Variants in MYF6 observed in about 807,000 individuals in gnomAD.
MYF6 encodes class C basic helix-loop-helix protein 4.
In MYF6, 20 loss-of-function variants were observed where a neutral mutation model predicts 21.7. The observed-to-expected ratio is 0.92, with a 90% confidence interval of 0.65 to 1.34. The LOEUF is 1.34. MYF6 is among the 40% of genes most tolerant of loss of function. The pLI, the probability that MYF6 is intolerant of heterozygous loss-of-function variation, is 0.00. For synonymous variants in MYF6, 124 were observed against 124.7 expected (o/e 0.99, Z 0.04); for missense variants, 320 against 304.1 (o/e 1.05, Z -0.39).
At position 80,709,093 on chromosome 12, in the gene MYF6, A is replaced by C. The variant is rs1163311618; in HGVS notation, c.*133A>C. 1 of 740,792 alleles carries C rather than the reference A, an allele frequency of 1.3e-6. No individual in the cohort carries two copies. Among genetic ancestry groups the C allele is most frequent in the Non-Finnish European group, 2.3e-6 (1 of 430,960 alleles). The allele number at this position is 740,792 out of a possible 1,614,324, so 45.9% of individuals were successfully genotyped here. ...ACCGAAAAGTTGCTGAAAGGGAAGG[A>C]GACACATTCACAAAGAAACGTTGCG... On this transcript the variant is annotated 3_prime_UTR_variant, in exon 3 of 3. Transcript: ENST00000228641.
Position 80,707,760 on chromosome 12 carries a change from A to G in MYF6, c.41A>G (p.Tyr14Cys). Residue 14 changes from tyrosine to cysteine, a missense_variant, in exon 1 of 3, where the codon TAC becomes TGC. Coordinates refer to ENST00000228641, the MANE Select transcript of MYF6 (RefSeq NM_002469.3). ...TTTGAAACTGGCTCCTATTTCTTCT[A>G]CTTGGATGGGGAAAATGTTACTCTG... is the stretch of plus-strand genomic sequence containing the variant. ...DLFETGSYFF[Y>C]LDGENVTLQP... is the part of the protein sequence containing the mutation. The G allele has an allele frequency of 6.2e-7, 1 of 1,614,134 alleles. No homozygotes were observed. Among genetic ancestry groups the G allele is most frequent in the Non-Finnish European group, 8.5e-7 (1 of 1,180,018 alleles).
chr12:80,707,992 C>G lies in MYF6; in HGVS notation c.273C>G (p.Pro91=), dbSNP rs757403372. 6.2e-7 allele frequency: 1 copy of G among 1,614,062 alleles called. No homozygotes were observed. Among genetic ancestry groups the G allele is most frequent in the Admixed American group, 1.7e-5 (1 of 60,014 alleles). Residue 91 remains proline, a synonymous_variant, in exon 1 of 3, where the codon CCC becomes CCG. Coordinates refer to ENST00000228641, the MANE Select transcript of MYF6 (RefSeq NM_002469.3). The part of the protein sequence containing the change: ...ACKTCKRKSA[P]TDRRKAATLR... ...AGACCTGCAAGAGAAAATCTGCCCC[C>G]ACTGACCGGCGAAAAGCCGCCACCC...
chr12:80,707,859 A>G lies in MYF6; in HGVS notation c.140A>G (p.Gln47Arg), dbSNP rs755411287. 6.8e-6 allele frequency: 11 copies of G among 1,614,202 alleles called. No individual in the cohort carries two copies. The South Asian group carries it at 1.1e-4, about 16-fold the overall frequency. ...SDGTLSPCQD[Q>R]MPPEAGSDSS... ...GGTACCTTGTCCCCCTGCCAGGACCAAATGCCCCCGGAAGCGGGGAGCGAC... is the reference window on the plus strand; with the variant it reads ...GGTACCTTGTCCCCCTGCCAGGACCGAATGCCCCCGGAAGCGGGGAGCGAC... Residue 47 changes from glutamine to arginine, a missense_variant, in exon 1 of 3, where the codon CAA becomes CGA. Physicochemically the swap from Gln to Arg is conservative, Grantham distance 43. Transcript: ENST00000228641.
In MYF6 at chr12:80,707,988, C is replaced by T. The variant is rs138296448; in HGVS notation, c.269C>T (p.Ala90Val). Residue 90 changes from alanine to valine, a missense_variant, in exon 1 of 3, where the codon GCC (alanine) becomes GTC (valine). Physicochemically the swap from Ala to Val is moderately conservative, Grantham distance 64 (BLOSUM62 0). Transcript: ENST00000228641. ...WACKTCKRKS[A>V]PTDRRKAATL... ...TGCAAGACCTGCAAGAGAAAATCTG[C>T]CCCCACTGACCGGCGAAAAGCCGCC... is the stretch of plus-strand genomic sequence containing the variant. 5.6e-6 allele frequency: 9 copies of T among 1,613,986 alleles called. No individual in the cohort carries two copies. Among genetic ancestry groups the T allele is most frequent in the Non-Finnish European group, 6.8e-6 (8 of 1,180,048 alleles).
intron 1 of MYF6, 42 bp downstream of exon 1, chr12:80,708,280 A>C: frequency 6.3e-7 from 1 of 1,588,834 alleles, no homozygotes; most frequent in Non-Finnish European, 8.5e-7. Flanking sequence ...GCGAAGGCTG[A>C]TTAAACGCCT....
At position 80,708,105 on chromosome 12, in the gene MYF6, C is replaced by A; in HGVS notation, c.386C>A (p.Pro129His). 1 of 1,614,072 alleles carries A rather than the reference C, an allele frequency of 6.2e-7. No homozygotes were observed. Among genetic ancestry groups the A allele is most frequent in the Non-Finnish European group, 8.5e-7 (1 of 1,180,020 alleles). Residue 129 changes from proline to histidine, a missense_variant, in exon 1 of 3, where the codon CCC (proline) becomes CAC (histidine). Coordinates refer to ENST00000228641, the MANE Select transcript of MYF6 (RefSeq NM_002469.3). Reference sequence around the variant, plus strand: ...GTGGCCAACCCCAACCAGAGGCTGCCCAAGGTGGAGATTCTGCGGAGCGCC... The same window carrying A: ...GTGGCCAACCCCAACCAGAGGCTGCACAAGGTGGAGATTCTGCGGAGCGCC... ...RTVANPNQRLPKVEILRSAIS... is the reference protein window; with the variant it reads ...RTVANPNQRLHKVEILRSAIS...
chr12:80,708,876 C>A lies in MYF6; in HGVS notation c.645C>A (p.Ser215Arg), dbSNP rs757639492. 6.2e-7 allele frequency: 1 copy of A among 1,614,214 alleles called. No homozygotes were observed. Among genetic ancestry groups the A allele is most frequent in the South Asian group, 1.1e-5 (1 of 91,082 alleles). Residue 215 changes from serine to arginine, a missense_variant, in exon 3 of 3, where the codon AGC becomes AGA. Physicochemically the swap from Ser to Arg is moderately radical, Grantham distance 110. Transcript: ENST00000228641. ...GTATTGATTCGTCAGCCTCGAGTAG[C>A]CTTCGATGCCTTTCTTCCATCGTGG... ...GASIDSSASS[S>R]LRCLSSIVDS...
chr12:80,708,548 A>C lies in MYF6; in HGVS notation c.544A>C (p.Thr182Pro), dbSNP rs141278987. The C allele has an allele frequency of 4.8e-4, 763 of 1,576,370 alleles. 4 individuals are homozygous for C. The African/African-American group carries it at 9.5e-3, about 20-fold the overall frequency. ...ENLEGADFLRTCSSQWPSVSD... is the reference protein window; with the variant it reads ...ENLEGADFLRPCSSQWPSVSD... ...GCTTGAGGGTGCGGATTTCCTGCGC[A>C]CCTGCAGCTCCCAGTGGCCAAGTGT... The change falls in exon 2 of 3, where the codon ACC becomes CCC. Residue 182 changes from threonine to proline, a missense_variant. Coordinates refer to ENST00000228641, the MANE Select transcript of MYF6 (RefSeq NM_002469.3).
At chr12:80,708,286 C>T (rs759768881) in intron 1 of MYF6, 48 bp downstream of exon 1, 15 of 1,582,312 alleles carry the variant, frequency 9.5e-6, no homozygotes, top group Non-Finnish European at 1.3e-5. Flanking sequence ...GCTGATTAAA[C>T]GCCTTCCGCG....
rs556445291 is a variant in MYF6, at chr12:80,708,369, A to G, written c.519+131A>G. 4.2e-6 allele frequency: 6 copies of G among 1,424,666 alleles called. No individual in the cohort carries two copies. In the African/African-American group the frequency reaches 5.7e-5, roughly 13 times the overall value. 88.3% of individuals were successfully genotyped at this position (1,424,666 alleles called of 1,614,324 possible). A position where few individuals can be genotyped will look rare whatever the true frequency, so the allele number is the denominator to read the frequency against. On this transcript the variant is annotated intron_variant, in intron 1 of 2. Coordinates refer to ENST00000228641, the MANE Select transcript of MYF6 (RefSeq NM_002469.3). ...CGCCCGCCCCTCCCGCTCCGTCTCTAATGAACCCCCAGTGACCCAAGAAGA... is the reference window on the plus strand; with the variant it reads ...CGCCCGCCCCTCCCGCTCCGTCTCTGATGAACCCCCAGTGACCCAAGAAGA...
chr12:80,708,197 C>G lies in MYF6; in HGVS notation c.478C>G (p.Leu160Val), dbSNP rs368477055. The change falls in exon 1 of 3, where the codon CTG becomes GTG. Residue 160 changes from leucine to valine, a missense_variant. By Grantham distance (32) the Leu-to-Val change is conservative. Transcript: ENST00000228641. ...GGATCAGCAGGAGAAGATGCAGGAG[C>G]TGGGGGTGGACCCCTTCAGCTACAG... ...RLDQQEKMQELGVDPFSYRPK... is the reference protein window; with the variant it reads ...RLDQQEKMQEVGVDPFSYRPK... The G allele has an allele frequency of 3.7e-6, 6 of 1,613,368 alleles. No individual in the cohort carries two copies. The highest frequency in any genetic ancestry group is 4.2e-6 in the Non-Finnish European group (5 of 1,179,732).
Position 80,709,079 on chromosome 12 carries a change from G to A in MYF6, c.*119G>A. The A allele has an allele frequency of 1.2e-6, 1 of 825,790 alleles. No homozygotes were observed. The highest frequency in any genetic ancestry group is 2.0e-6 in the Non-Finnish European group (1 of 497,370). 51.2% of individuals were successfully genotyped at this position (825,790 alleles called of 1,614,324 possible). A position where few individuals can be genotyped will look rare whatever the true frequency, so the allele number is the denominator to read the frequency against. ...ATTTAGGAACCCAGACCGAAAAGTTGCTGAAAGGGAAGGAGACACATTCAC... is the reference window on the plus strand; with the variant it reads ...ATTTAGGAACCCAGACCGAAAAGTTACTGAAAGGGAAGGAGACACATTCAC... On this transcript the variant is annotated 3_prime_UTR_variant, in exon 3 of 3. Coordinates refer to ENST00000228641, the MANE Select transcript of MYF6 (RefSeq NM_002469.3).
rs770081936 is a variant in MYF6, at chr12:80,708,534, C to T, written c.530C>T (p.Ala177Val). ...TGGTTTTCCCTCCAGCTTGAGGGTG[C>T]GGATTTCCTGCGCACCTGCAGCTCC... ...YRPKQENLEG[A>V]DFLRTCSSQW... The change falls in exon 2 of 3, where the codon GCG (alanine) becomes GTG (valine). Residue 177 changes from alanine (A) to valine (V), a missense_variant. Physicochemically the swap from Ala to Val is moderately conservative, Grantham distance 64 (BLOSUM62 0). Coordinates refer to ENST00000228641, the MANE Select transcript of MYF6 (RefSeq NM_002469.3). 2 of 1,508,550 alleles carry T rather than the reference C, an allele frequency of 1.3e-6. No individual in the cohort carries two copies. The highest frequency in any genetic ancestry group is 1.4e-5 in the African/African-American group (1 of 71,222). The allele number at this position is 1,508,550 out of a possible 1,614,324, so 93.4% of individuals were successfully genotyped here. A position where few individuals can be genotyped will look rare whatever the true frequency, so the allele number is the denominator to read the frequency against.
rs550225751 is a variant in MYF6 at position 80,709,026 on chromosome 12, C to T, written c.*66C>T. ...TCCCACCGACCCTTCCTGGCCTAATCCTTTAGATTAGGTCACATTACATTA... is the reference window on the plus strand; with the variant it reads ...TCCCACCGACCCTTCCTGGCCTAATTCTTTAGATTAGGTCACATTACATTA... On this transcript the variant is annotated 3_prime_UTR_variant, in exon 3 of 3. Transcript: ENST00000228641. The T allele has an allele frequency of 2.1e-5, 26 of 1,257,992 alleles. No individual in the cohort carries two copies. The highest frequency in any genetic ancestry group is 1.6e-4 in the African/African-American group (11 of 67,936). The allele number at this position is 1,257,992 out of a possible 1,614,324, so 77.9% of individuals were successfully genotyped here.
rs959101589 is a variant in MYF6 at position 80,707,844 on chromosome 12, C to G, written c.125C>G (p.Ser42Cys). The change falls in exon 1 of 3, where the codon TCC (serine) becomes TGC (cysteine). Residue 42 changes from serine (S) to cysteine (C), a missense_variant. Coordinates refer to ENST00000228641, the MANE Select transcript of MYF6 (RefSeq NM_002469.3). ...PLYPGSDGTL[S>C]PCQDQMPPEA... ...TATCCAGGGAGTGATGGTACCTTGT[C>G]CCCCTGCCAGGACCAAATGCCCCCG... 4 of 1,614,186 alleles carry G rather than the reference C, an allele frequency of 2.5e-6. No homozygotes were observed. The highest frequency in any genetic ancestry group is 2.2e-5 in the East Asian group (1 of 44,870).
chr12:80,708,364 T>A (rs1868405696), intron 1 of MYF6, 126 bp downstream of exon 1: 1 of 1,425,174 alleles, frequency 7.0e-7, no homozygotes, highest in South Asian at 1.2e-5. Flanking sequence ...TCCCGCTCCG[T>A]CTCTAATGAA....
chr12:80,708,516 C>T lies in MYF6; in HGVS notation c.520-8C>T. The T allele has an allele frequency of 7.0e-6, 10 of 1,437,104 alleles. 1 individual carries two copies. In the South Asian group the frequency reaches 9.0e-5, roughly 13 times the overall value. The allele number at this position is 1,437,104 out of a possible 1,614,324, so 89.0% of individuals were successfully genotyped here. The stretch of plus-strand genomic sequence containing the variant: ...CCTAATCTGCCGCTGCCTTGGTTTT[C>T]CCTCCAGCTTGAGGGTGCGGATTTC... On this transcript the variant is annotated splice_region_variant and splice_polypyrimidine_tract_variant and intron_variant, in intron 1 of 2. Coordinates refer to ENST00000228641, the MANE Select transcript of MYF6 (RefSeq NM_002469.3).
In MYF6 at chr12:80,707,989, C is replaced by A; in HGVS notation, c.270C>A (p.Ala90=). ...GCAAGACCTGCAAGAGAAAATCTGCCCCCACTGACCGGCGAAAAGCCGCCA... is the reference window on the plus strand; with the variant it reads ...GCAAGACCTGCAAGAGAAAATCTGCACCCACTGACCGGCGAAAAGCCGCCA... ...WACKTCKRKS[A]PTDRRKAATL... The change falls in exon 1 of 3, where the codon GCC becomes GCA. Residue 90 remains alanine (A), a synonymous_variant. Transcript: ENST00000228641. 5 of 1,614,132 alleles carry A rather than the reference C, an allele frequency of 3.1e-6. No individual in the cohort carries two copies. Among genetic ancestry groups the A allele is most frequent in the Non-Finnish European group, 4.2e-6 (5 of 1,180,036 alleles).
At position 80,709,247 on chromosome 12, in the gene MYF6, A is replaced by G. The variant is rs1434848660; in HGVS notation, c.*287A>G. 1.1e-5 allele frequency: 4 copies of G among 354,102 alleles called. No individual in the cohort carries two copies. The highest frequency in any genetic ancestry group is 2.1e-5 in the Non-Finnish European group (4 of 190,760). The allele number at this position is 354,102 out of a possible 1,614,324, so 21.9% of individuals were successfully genotyped here. A position where few individuals can be genotyped will look rare whatever the true frequency, so the allele number is the denominator to read the frequency against. ...TTTTGTTTGGTTGGTTTTATACTAT[A>G]TTAACTTTTATTACGGTGATCCTTT... On this transcript the variant is annotated 3_prime_UTR_variant, in exon 3 of 3. Coordinates refer to ENST00000228641, the MANE Select transcript of MYF6 (RefSeq NM_002469.3).
Sources: gnomAD v4.1 joint callset for allele counts on GRCh38, gnomAD v4.1.1 for gene constraint, MANE v1.5 for transcripts, NCBI Gene and HGNC (gene_info 2026-07-23, HGNC 2026-07-21) for gene names.